Variants in MYH15 observed in about 807,000 individuals in gnomAD.
The protein encoded by MYH15 is myosin heavy chain 15, also known as myosin-15.
A neutral mutation model predicts 240.5 loss-of-function variants in MYH15; 227 were observed. The observed-to-expected ratio is 0.94, with a 90% CI of 0.85 to 1.05. The LOEUF (loss-of-function observed/expected upper bound fraction) is 1.05, where lower values mean the gene tolerates loss of function less well. Among genes scored for constraint, MYH15 ranks in the 50% least tolerant of loss-of-function variants. MYH15 has a pLI of 0.00. For missense variants in MYH15, 2,217 were observed against 2,247.5 expected, an observed-to-expected ratio of 0.99 and a Z score of 0.27; for synonymous variants, 785 against 796.7, an observed-to-expected ratio of 0.99 and a Z score of 0.25.
chr3:108,407,853 A>G (rs2082557961), intron 32 of MYH15, among the ~76,000 whole-genome samples: 3 of 152,240 alleles, frequency 2.0e-5, no homozygotes, highest in Admixed American at 6.5e-5. Flanking sequence ...ATTAATGTGC[A>G]TATGAACCAC....
chr3:108,393,361 A>T (rs1435265679), intron 36 of MYH15, among the ~76,000 whole-genome samples: 1 of 152,156 alleles, frequency 6.6e-6, no homozygotes, highest in Non-Finnish European at 1.5e-5. Flanking sequence ...CTCCACTAAC[A>T]TATTTTTCCC....
upstream of MYH15, among the ~76,000 whole-genome samples, chr3:108,534,083 C>A (rs2083730428): frequency 6.6e-6 from 1 of 152,310 alleles, no homozygotes; most frequent in African/African-American, 2.4e-5. Flanking sequence ...CACTACCAGG[C>A]ATTTCTTGTC....
At chr3:108,528,273 T>C (rs1380151447) in intron 1 of MYH15, among the ~76,000 whole-genome samples, 2 of 152,164 alleles carry the variant, frequency 1.3e-5, no homozygotes, top group Non-Finnish European at 2.9e-5. Flanking sequence ...AAAATAATTA[T>C]TGCAAAATTA....
chr3:108,422,989 G>A lies in MYH15; in HGVS notation c.3703-1775C>T, dbSNP rs190295166. Among the ~76,000 whole-genome samples the A allele has an allele frequency of 3.9e-5, 6 of 152,290 alleles. No individual in the cohort carries two copies. The East Asian group carries it at 1.2e-3, about 29-fold the overall frequency. Reference sequence around the variant, plus strand: ...ACTTTTCCTTAGTTCAGCTAAAGATGGGGTTCTTTGTCCCCGGCCACAAAA... The same window carrying A: ...ACTTTTCCTTAGTTCAGCTAAAGATAGGGTTCTTTGTCCCCGGCCACAAAA... On this transcript the variant is annotated intron_variant, in intron 27 of 40. Transcript: ENST00000693548.
At chr3:108,482,597 A>G (rs572119911) in intron 11 of MYH15, among the ~76,000 whole-genome samples, 5 of 152,226 alleles carry the variant, frequency 3.3e-5, no homozygotes, top group Non-Finnish European at 7.3e-5. Context: ...ATATGTGAAT[A>G]TGTTAATATA....
chr3:108,498,151 A>G lies in MYH15; in HGVS notation c.525-6T>C, dbSNP rs1468649605. 6.2e-7 allele frequency: 1 copy of G among 1,613,312 alleles called. No homozygotes were observed. The highest frequency in any genetic ancestry group is 8.5e-7 in the Non-Finnish European group (1 of 1,179,426). On this transcript the variant is annotated splice_region_variant and splice_polypyrimidine_tract_variant and intron_variant, in intron 5 of 40. Transcript: ENST00000693548. The stretch of plus-strand genomic sequence containing the variant: ...TTCCAGCACCAGATTCTCCTCTGTG[A>G]TTTGAAATTCAGTGATACAGTTAAC...
chr3:108,466,241 T>A (rs2083116358), intron 14 of MYH15, among the ~76,000 whole-genome samples: 1 of 152,220 alleles, frequency 6.6e-6, no homozygotes, highest in South Asian at 2.1e-4. Context: ...AATTTAGAGC[T>A]GAGTGCCAAC....
intron 15 of MYH15, among the ~76,000 whole-genome samples, chr3:108,463,925 A>G (rs62268046): frequency 0.13 from 19,744 of 152,036 alleles, 1,785 homozygotes; most frequent in Non-Finnish European, 0.2. Context: ...AGAATGGTGA[A>G]ATAATCCAAC....
intron 25 of MYH15, among the ~76,000 whole-genome samples, chr3:108,434,260 T>G (rs2082811359): frequency 6.7e-6 from 1 of 148,444 alleles, no homozygotes; most frequent in Non-Finnish European, 1.5e-5. Flanking sequence ...TCAGCTCAGC[T>G]CAATCTCTGC....
At chr3:108,412,101 G>A (rs1024693652) in intron 30 of MYH15, among the ~76,000 whole-genome samples, 2 of 152,198 alleles carry the variant, frequency 1.3e-5, no homozygotes, top group South Asian at 2.1e-4. Flanking sequence ...TTGGGTGACT[G>A]ATCATACTGG....
At chr3:108,499,317 C>CT in intron 5 of MYH15, 138 bp downstream of exon 5, 6 of 876,736 alleles carry the variant, frequency 6.8e-6, no homozygotes, top group Non-Finnish European at 1.1e-5. Flanking sequence ...GTATCTTTTT[C>CT]TTACCTCAAA....
Position 108,464,731 on chromosome 3 carries a change from G to A in MYH15, c.1638C>T (p.Asp546=), listed in dbSNP as rs1318952227. 2 of 1,613,830 alleles carry A rather than the reference G, an allele frequency of 1.2e-6. No individual in the cohort carries two copies. Among genetic ancestry groups the A allele is most frequent in the East Asian group, 2.2e-5 (1 of 44,884 alleles). The change falls in exon 15 of 41, where the codon GAC becomes GAT. Residue 546 remains aspartate, a synonymous_variant. Coordinates refer to ENST00000693548, the MANE Select transcript of MYH15 (RefSeq NM_014981.3). ...TDLTFKTKLF[D]NHFGKSVHLQ... The stretch of plus-strand genomic sequence containing the variant: ...GATGAACCGACTTTCCAAAATGGTT[G>A]TCAAAGAGTTTGGTCTTGAAAGTCA...
rs2082368690 is a variant in MYH15 at position 108,384,737 on chromosome 3, C to G, written c.5581G>C (p.Asp1861His). The G allele has an allele frequency of 1.2e-6, 2 of 1,613,750 alleles. No homozygotes were observed. The highest frequency in any genetic ancestry group is 2.7e-5 in the African/African-American group (2 of 74,882). The change falls in exon 39 of 41, where the codon GAT (aspartate) becomes CAT (histidine). Residue 1861 changes from aspartate to histidine, a missense_variant. By Grantham distance (81) the Asp-to-His change is moderately conservative (BLOSUM62 -1). Transcript: ENST00000693548. ...KNLSRMQTQM[D>H]KLQLKVQNYK... ...TTTTGCACTTTTAGCTGAAGTTTATCCATCTGAGTTTGCATCCTGCTCAGA... is the reference window on the plus strand; with the variant it reads ...TTTTGCACTTTTAGCTGAAGTTTATGCATCTGAGTTTGCATCCTGCTCAGA...
upstream of MYH15, among the ~76,000 whole-genome samples, chr3:108,512,844 C>T (rs1345682884): frequency 6.6e-6 from 1 of 151,934 alleles, no homozygotes; most frequent in African/African-American, 2.4e-5. Flanking sequence ...GGAGCAGGCA[C>T]TGGAAAGTAG....
intron 27 of MYH15, among the ~76,000 whole-genome samples, chr3:108,423,658 T>A (rs1227410999): frequency 6.6e-6 from 1 of 152,196 alleles, no homozygotes; most frequent in East Asian, 1.9e-4. Flanking sequence ...CCTCACGATA[T>A]CTCTCAAAAG....
intron 37 of MYH15, among the ~76,000 whole-genome samples, chr3:108,390,594 T>C (rs1193556261): frequency 2.0e-5 from 3 of 152,252 alleles, no homozygotes; most frequent in African/African-American, 7.2e-5. Flanking sequence ...TTTGAAGTTA[T>C]AAATGCATGG....
At chr3:108,489,551 G>C (rs1470430636) in intron 9 of MYH15, among the ~76,000 whole-genome samples, 1 of 152,158 alleles carries the variant, frequency 6.6e-6, no homozygotes, top group Non-Finnish European at 1.5e-5. Context: ...GCAAAGGAGT[G>C]AAGGGGTGCT....
intron 1 of MYH15, among the ~76,000 whole-genome samples, chr3:108,517,806 T>C (rs942837821): frequency 4.6e-5 from 7 of 152,196 alleles, no homozygotes; most frequent in African/African-American, 1.4e-4. Context: ...CATTTTAAAG[T>C]ATGTCCTCTT....
chr3:108,542,666 G>A, the MYH15 span, among the ~76,000 whole-genome samples: 1 of 152,074 alleles, frequency 6.6e-6, no homozygotes, highest in African/African-American at 2.4e-5. Flanking sequence ...ATTAGGCCCA[G>A]CACCTATTAG....
Sources: allele counts gnomAD v4.1 joint callset (sites outside exome capture counted in the v4.1 genomes callset), GRCh38; gene constraint gnomAD v4.1.1; transcripts MANE v1.5; gene names NCBI Gene and HGNC (gene_info 2026-07-23, HGNC 2026-07-21).